MLXIPL: variants seen among roughly 807,000 people sequenced by gnomAD.
MLXIPL encodes MLX interacting protein like, also known as carbohydrate-responsive element-binding protein.
MLXIPL carries 49 observed loss-of-function variants against 81.5 expected under a neutral mutation model. The observed-to-expected ratio is 0.60, with a 90% CI of 0.48 to 0.76. MLXIPL has a LOEUF of 0.76. Ranked by LOEUF, MLXIPL falls within the 30% of genes least tolerant of loss-of-function variation. The pLI is 0.00. For synonymous variants in MLXIPL, 466 were observed against 485.5 expected (o/e 0.96, Z 0.53); for missense variants, 1,053 against 1,167.0 (o/e 0.90, Z 1.42).
At chr7:73,611,598 T>G (rs1367322154) in intron 2 of MLXIPL, 1 of 152,178 alleles carries the variant, frequency 6.6e-6, no homozygotes, top group Non-Finnish European at 1.5e-5. Context: ...GGCGTATCAC[T>G]TGAATCTAGG....
Position 73,605,761 on chromosome 7 carries a change from G to A in MLXIPL, c.828C>T (p.Val276=), listed in dbSNP as rs368793037. Residue 276 remains valine (V), a synonymous_variant, in exon 7 of 17, where the codon GTC becomes GTT. Coordinates refer to ENST00000313375, the MANE Select transcript of MLXIPL (RefSeq NM_032951.3). ...PLQLPPEDAY[V]GNADMIQPDL... Reference sequence around the variant, plus strand: ...CCGGCTGGATCATGTCAGCATTGCCGACGTAGGCTGGAGGCAGCAGTGGCG... The same window carrying A: ...CCGGCTGGATCATGTCAGCATTGCCAACGTAGGCTGGAGGCAGCAGTGGCG... 1.3e-5 allele frequency: 21 copies of A among 1,612,890 alleles called. No individual in the cohort carries two copies. Among genetic ancestry groups the A allele is most frequent in the Middle Eastern group, 1.7e-4 (1 of 6,038 alleles).
chr7:73,623,195 C>T lies in MLXIPL; in HGVS notation c.293+1005G>A, dbSNP rs1796493460. Reference sequence around the variant, plus strand: ...CACAGTCCCCACCCCAGCTCCTGCTCCCCCGCAGGGCGGCAGGTGCCGATC... The same window carrying T: ...CACAGTCCCCACCCCAGCTCCTGCTTCCCCGCAGGGCGGCAGGTGCCGATC... On this transcript the variant is annotated intron_variant, in intron 1 of 16. Transcript: ENST00000313375. The surrounding 1 kb of genome is among the most constrained non-coding windows in gnomAD (Gnocchi z 5.7). Among the ~76,000 whole-genome samples, 1 of 152,204 alleles carries T rather than the reference C, an allele frequency of 6.6e-6. No homozygotes were observed. Among genetic ancestry groups the T allele is most frequent in the Non-Finnish European group, 1.5e-5 (1 of 68,034 alleles).
chr7:73,607,650 G>A lies in MLXIPL; in HGVS notation c.423C>T (p.Pro141=). The change falls in exon 3 of 17, where the codon CCC becomes CCT. Residue 141 remains proline (P), a synonymous_variant. Coordinates refer to ENST00000313375, the MANE Select transcript of MLXIPL (RefSeq NM_032951.3). The part of the protein sequence containing the change: ...YIQYVKRRKS[P]VCGFVTPLQG... ...GCAGGGGGGTCACGAAGCCACACAC[G>A]GGGCTCTTCCTCCGCTTCACATCTG... 4.3e-6 allele frequency: 7 copies of A among 1,613,386 alleles called. No individual in the cohort carries two copies. Among genetic ancestry groups the A allele is most frequent in the Non-Finnish European group, 5.9e-6 (7 of 1,179,982 alleles).
At chr7:73,629,974 TTTTATTTATTTATTTATTTA>T in the MLXIPL span, among the ~76,000 whole-genome samples, 1 of 143,534 alleles carries the variant, frequency 7.0e-6, no homozygotes, top group Non-Finnish European at 1.5e-5. Flanking sequence ...TTTTTATTAT[TTTTATTTATTTATTTATTTA>T]TTTATTTATT....
At chr7:73,622,507 T>A (rs2116525443) in intron 1 of MLXIPL, among the ~76,000 whole-genome samples, 1 of 151,726 alleles carries the variant, frequency 6.6e-6, no homozygotes, top group South Asian at 2.1e-4. Flanking sequence ...AAAAAAAATT[T>A]TTTTTTTTTT....
In MLXIPL at chr7:73,594,304, G is replaced by T; in HGVS notation, c.2410C>A (p.Gln804Lys). The change falls in exon 16 of 17, where the codon CAG becomes AAG. Residue 804 changes from glutamine to lysine, a missense_variant. Transcript: ENST00000313375. ...LRQTSLAWLDQYCSLPALRPT... is the reference protein window; with the variant it reads ...LRQTSLAWLDKYCSLPALRPT... ...CGGAGAGCGGGCAGAGAGCAGTACT[G>T]GTCCAGCCAGGCCAGTGAGGTCTGG... 1 of 1,612,140 alleles carries T rather than the reference G, an allele frequency of 6.2e-7. No individual in the cohort carries two copies. The highest frequency in any genetic ancestry group is 8.5e-7 in the Non-Finnish European group (1 of 1,180,006).
At chr7:73,635,665 A>G in the MLXIPL span, among the ~76,000 whole-genome samples, 5 of 150,802 alleles carry the variant, frequency 3.3e-5, no homozygotes, top group Non-Finnish European at 7.4e-5. Flanking sequence ...TCTTCTATCT[A>G]TCCATCCATC....
rs1479239960 is a variant in MLXIPL, at chr7:73,599,639, G to A, written c.958C>T (p.Pro320Ser). 6.2e-7 allele frequency: 1 copy of A among 1,609,280 alleles called. No individual in the cohort carries two copies. The highest frequency in any genetic ancestry group is 8.5e-7 in the Non-Finnish European group (1 of 1,177,520). The change falls in exon 8 of 17, where the codon CCC becomes TCC. Residue 320 changes from proline (P) to serine (S), a missense_variant. Physicochemically the swap from Pro to Ser is moderately conservative, Grantham distance 74 (BLOSUM62 -1). This residue lies in a region of MLXIPL where 823 missense variants were observed against 933.0 expected (regional missense o/e 0.88). Transcript: ENST00000313375. ...QPPMPSNFPEPPSFSPVVDSL... is the reference protein window; with the variant it reads ...QPPMPSNFPESPSFSPVVDSL... ...TCAACCACGGGGCTGAAGCTGGGGGGCTCTGGGAAGTTTGAAGGCATGGGC... is the reference window on the plus strand; with the variant it reads ...TCAACCACGGGGCTGAAGCTGGGGGACTCTGGGAAGTTTGAAGGCATGGGC...
chr7:73,605,278 G>C (rs1795186960), intron 7 of MLXIPL, among the ~76,000 whole-genome samples: 1 of 151,942 alleles, frequency 6.6e-6, no homozygotes, highest in African/African-American at 2.4e-5. Context: ...ACCCAGACCT[G>C]CCAGGCATGG....
chr7:73,605,188 C>T (rs1795179758), intron 7 of MLXIPL, among the ~76,000 whole-genome samples: 1 of 152,218 alleles, frequency 6.6e-6, no homozygotes, highest in Non-Finnish European at 1.5e-5. Context: ...GTTCCCTGGC[C>T]AGGTACTCTC....
chr7:73,616,015 G>T, intron 2 of MLXIPL, 56 bp downstream of exon 2: 1 of 1,433,786 alleles, frequency 7.0e-7, no homozygotes, highest in Non-Finnish European at 9.8e-7. Context: ...CCCTCTGGCA[G>T]GAGGGTTGGA....
chr7:73,617,188 T>C (rs1796057446), intron 1 of MLXIPL, among the ~76,000 whole-genome samples: 1 of 151,988 alleles, frequency 6.6e-6, no homozygotes. Context: ...GCTAATTTTT[T>C]TGGTATTTTT....
chr7:73,625,933 C>T (rs1402344646), upstream of MLXIPL, among the ~76,000 whole-genome samples: 1 of 152,062 alleles, frequency 6.6e-6, no homozygotes, highest in African/African-American at 2.4e-5. Flanking sequence ...AGCTCTGAGC[C>T]CCTTCTCTCA....
intron 7 of MLXIPL, among the ~76,000 whole-genome samples, chr7:73,604,873 T>C (rs897078649): frequency 6.6e-6 from 1 of 152,044 alleles, no homozygotes; most frequent in African/African-American, 2.4e-5. Context: ...CAAGCAATTC[T>C]CCCACCTCAG....
chr7:73,597,527 G>T lies in MLXIPL; in HGVS notation c.1258C>A (p.Pro420Thr), dbSNP rs1554594716. The part of the protein sequence containing the change: ...CPPPPFPPMA[P>T]PTALLQEEPL... Reference sequence around the variant, plus strand: ...TCTTCCTGCAGCAAAGCAGTGGGTGGTGCCATGGGAGGGAAGGGAGGTGGG... The same window carrying T: ...TCTTCCTGCAGCAAAGCAGTGGGTGTTGCCATGGGAGGGAAGGGAGGTGGG... Residue 420 changes from proline to threonine, a missense_variant, in exon 9 of 17, where the codon CCA becomes ACA. By Grantham distance (38) the Pro-to-Thr change is conservative. Coordinates refer to ENST00000313375, the MANE Select transcript of MLXIPL (RefSeq NM_032951.3). 2 of 1,386,902 alleles carry T rather than the reference G, an allele frequency of 1.4e-6. No homozygotes were observed. The highest frequency in any genetic ancestry group is 1.9e-6 in the Non-Finnish European group (2 of 1,068,014). The allele number at this position is 1,386,902 out of a possible 1,614,324, so 85.9% of individuals were successfully genotyped here.
chr7:73,605,133 C>A (rs1795176536), intron 7 of MLXIPL, among the ~76,000 whole-genome samples: 1 of 152,218 alleles, frequency 6.6e-6, no homozygotes, highest in Non-Finnish European at 1.5e-5. Context: ...GTTCTTCTCT[C>A]CCCTGAGAGA....
rs1176093354 is a variant in MLXIPL at position 73,624,379 on chromosome 7, C to A, written c.114G>T (p.Ala38=). The change falls in exon 1 of 17, where the codon GCG becomes GCT. Residue 38 remains alanine (A), a synonymous_variant. Coordinates refer to ENST00000313375, the MANE Select transcript of MLXIPL (RefSeq NM_032951.3). ...DSEDPSLRRS[A]GGLLRSQVIH... ...TGACCTGCGAGCGGAGCAAGCCGCC[C>A]GCGCTGCGCCGGAGACTCGGGTCCT... 1.3e-6 allele frequency: 2 copies of A among 1,570,366 alleles called. No individual in the cohort carries two copies. The highest frequency in any genetic ancestry group is 3.7e-5 in the Admixed American group (2 of 54,518).
At chr7:73,612,539 G>C (rs1363686749) in intron 2 of MLXIPL, among the ~76,000 whole-genome samples, 1 of 152,014 alleles carries the variant, frequency 6.6e-6, no homozygotes, top group East Asian at 1.9e-4. Flanking sequence ...CTACTCAGGA[G>C]GGTGAGGCAG....
chr7:73,618,396 C>A (rs1198864358), intron 1 of MLXIPL, among the ~76,000 whole-genome samples: 2 of 152,210 alleles, frequency 1.3e-5, no homozygotes, highest in Non-Finnish European at 2.9e-5. Flanking sequence ...CGCACCTGGC[C>A]CCCAAGGCTT....
Sources: gnomAD v4.1 joint callset for allele counts (sites outside exome capture counted in the v4.1 genomes callset) on GRCh38, gnomAD v4.1.1 for gene constraint, gnomAD v4.1.1 regional missense constraint, Gnocchi (gnomAD v3.1) non-coding constraint, MANE v1.5 for transcripts, NCBI Gene and HGNC (gene_info 2026-07-23, HGNC 2026-07-21) for gene names.